The following BRINP3 variants were observed in gnomAD, a reference collection of about 807,000 sequenced individuals.
BRINP3 encodes BMP/retinoic acid inducible neural specific 3.
In BRINP3, 19 loss-of-function variants were observed where a neutral mutation model predicts 71.0. That is an observed-to-expected ratio of 0.27 (90% CI 0.19 to 0.39). The LOEUF (loss-of-function observed/expected upper bound fraction) is 0.39, where lower values mean the gene tolerates loss of function less well. Ranked by LOEUF, BRINP3 falls within the 10% of genes least tolerant of loss-of-function variation. The pLI, the probability that BRINP3 is intolerant of heterozygous loss-of-function variation, is 1.00. For missense variants in BRINP3, 959 were observed against 940.8 expected (o/e 1.02, Z -0.25); for synonymous variants, 380 against 337.7 (o/e 1.13, Z -1.37).
intron 3 of BRINP3, among the ~76,000 whole-genome samples, chr1:190,271,451 T>G (rs778150943): frequency 2.6e-5 from 4 of 151,624 alleles, no homozygotes; most frequent in African/African-American, 7.2e-5. Flanking sequence ...AATCTAGTAA[T>G]AATTCGAAAG....
At position 190,099,040 on chromosome 1, in the gene BRINP3, T is replaced by C. The variant is rs1219679713; in HGVS notation, c.1279A>G (p.Thr427Ala). Residue 427 changes from threonine (T) to alanine (A), a missense_variant, in exon 8 of 8, where the codon ACG (threonine) becomes GCG (alanine). Coordinates refer to ENST00000367462, the MANE Select transcript of BRINP3 (RefSeq NM_199051.3). ...GSFSEETHSC[T>A]CPNDQVVCTA... The stretch of plus-strand genomic sequence containing the variant: ...CAGACCACCTGGTCATTCGGACACG[T>C]GCACGAGTGCGTCTCTTCTGAAAAG... The C allele has an allele frequency of 1.9e-6, 3 of 1,614,196 alleles. No individual in the cohort carries two copies.
intron 2 of BRINP3, among the ~76,000 whole-genome samples, chr1:190,386,017 TG>T: frequency 7.1e-6 from 1 of 140,000 alleles, no homozygotes; most frequent in Non-Finnish European, 1.5e-5. Context: ...CACTTATAGG[TG>T]GGAATTGAAC....
Position 190,329,845 on chromosome 1 carries a change from G to T in BRINP3, c.237-48095C>A, listed in dbSNP as rs1230174928. Among the ~76,000 whole-genome samples, 3 of 151,680 alleles carry T rather than the reference G, an allele frequency of 2.0e-5. No individual in the cohort carries two copies. The East Asian group carries it at 5.8e-4, about 29-fold the overall frequency. The stretch of plus-strand genomic sequence containing the variant: ...ATCCAGAAATAAATCCACATACCTA[G>T]AGCCATCTGATCTTCAATGAACTCA... On this transcript the variant is annotated intron_variant, in intron 2 of 7. Transcript: ENST00000367462.
chr1:190,213,044 T>C (rs1296464665), intron 6 of BRINP3, among the ~76,000 whole-genome samples: 1 of 151,998 alleles, frequency 6.6e-6, no homozygotes, highest in Admixed American at 6.6e-5. Context: ...AGGTGTCAAG[T>C]ACCCTTTAGA....
Position 190,229,645 on chromosome 1 carries a change from A to AACACACACACACAC in BRINP3, c.725-3341_725-3328dup, listed in dbSNP as rs71794093. 7.1e-3 allele frequency among the ~76,000 whole-genome samples: 949 copies of AACACACACACACAC among 133,492 alleles called. 6 individuals carry two copies. The highest frequency in any genetic ancestry group is 0.017 in the East Asian group (75 of 4,342). 87.6% of individuals were successfully genotyped at this position (133,492 alleles called of 152,430 possible). A position where few individuals can be genotyped will look rare whatever the true frequency, so the allele number is the denominator to read the frequency against. ...CCCAGAGTAAAGAAAAACAAAACAA[A>AACACACACACACAC]ACACACACACACACACACACACACA... On this transcript the variant is annotated intron_variant, in intron 5 of 7. Coordinates refer to ENST00000367462, the MANE Select transcript of BRINP3 (RefSeq NM_199051.3).
At chr1:190,298,429 G>C (rs969398566) in intron 2 of BRINP3, among the ~76,000 whole-genome samples, 1 of 150,728 alleles carries the variant, frequency 6.6e-6, no homozygotes, top group African/African-American at 2.4e-5. Context: ...TTATTGGTTT[G>C]ATTTTTTTTT....
Position 190,155,994 on chromosome 1 carries a change from G to A in BRINP3, c.1184+4674C>T, listed in dbSNP as rs76883145. Among the ~76,000 whole-genome samples the A allele has an allele frequency of 1.3e-3, 192 of 152,190 alleles. 1 individual carries two copies. The East Asian group carries it at 0.033, about 26-fold the overall frequency. ...ATTGCTGTAATCACTATCTTGTGAT[G>A]AAATTAGTAAGCCATTGTTACATAG... On this transcript the variant is annotated intron_variant, in intron 7 of 7. Coordinates refer to ENST00000367462, the MANE Select transcript of BRINP3 (RefSeq NM_199051.3).
At chr1:190,099,656 A>G (rs1651521656) in intron 7 of BRINP3, among the ~76,000 whole-genome samples, 1 of 152,200 alleles carries the variant, frequency 6.6e-6, no homozygotes, top group Non-Finnish European at 1.5e-5. Context: ...TGAAAGAAAA[A>G]CAGCTCTAAA....
Position 190,145,865 on chromosome 1 carries a change from C to T in BRINP3, c.1184+14803G>A, listed in dbSNP as rs551321732. Among the ~76,000 whole-genome samples, 7 of 152,238 alleles carry T rather than the reference C, an allele frequency of 4.6e-5. No individual in the cohort carries two copies. The South Asian group carries it at 1.2e-3, about 27-fold the overall frequency. On this transcript the variant is annotated intron_variant, in intron 7 of 7. Transcript: ENST00000367462. ...TATACACACATACCATGGAATACTA[C>T]TCAACCATAAAAAGGAATAGAATAA...
intron 2 of BRINP3, among the ~76,000 whole-genome samples, chr1:190,321,400 T>A (rs1393830690): frequency 6.6e-6 from 1 of 152,040 alleles, no homozygotes; most frequent in Non-Finnish European, 1.5e-5. Flanking sequence ...AAACCATGCA[T>A]AAAAGAGGAA....
intron 4 of BRINP3, among the ~76,000 whole-genome samples, chr1:190,255,719 T>C (rs1660599792): frequency 6.6e-6 from 1 of 151,102 alleles, no homozygotes; most frequent in South Asian, 2.1e-4. Context: ...TGTCAGTCTT[T>C]TAAAAAAACC....
At position 190,238,520 on chromosome 1, in the gene BRINP3, A is replaced by G. The variant is rs182085905; in HGVS notation, c.619-4043T>C. 4.5e-3 allele frequency among the ~76,000 whole-genome samples: 683 copies of G among 152,232 alleles called. 7 individuals are homozygous for G. The highest frequency in any genetic ancestry group is 4.2e-3 in the Non-Finnish European group (284 of 68,010). ...TGACAAAAAAGATATATAAACATCC[A>G]GTAATTTTGAAATAGTTTTCAACTT... On this transcript the variant is annotated intron_variant, in intron 4 of 7. Coordinates refer to ENST00000367462, the MANE Select transcript of BRINP3 (RefSeq NM_199051.3).
chr1:190,304,992 G>T (rs1571693888), intron 2 of BRINP3, among the ~76,000 whole-genome samples: 1 of 151,898 alleles, frequency 6.6e-6, no homozygotes, highest in African/African-American at 2.4e-5. Flanking sequence ...CATACAAATG[G>T]CCAATAGGCA....
intron 2 of BRINP3, among the ~76,000 whole-genome samples, chr1:190,347,708 C>A (rs995021557): frequency 1.3e-4 from 19 of 151,996 alleles, no homozygotes; most frequent in African/African-American, 4.6e-4. Context: ...AATTTTTATT[C>A]TTATTTTTTT....
chr1:190,249,724 A>C (rs1659955857), intron 4 of BRINP3, among the ~76,000 whole-genome samples: 1 of 151,860 alleles, frequency 6.6e-6, no homozygotes, highest in Non-Finnish European at 1.5e-5. Flanking sequence ...GCCATTTTTG[A>C]GTTACGTGAA....
intron 7 of BRINP3, among the ~76,000 whole-genome samples, chr1:190,148,033 T>A (rs1656045319): frequency 6.6e-6 from 1 of 152,162 alleles, no homozygotes; most frequent in Non-Finnish European, 1.5e-5. Flanking sequence ...TTAAAATACG[T>A]CAAATATTTA....
chr1:190,164,400 A>G (rs1466307906), intron 6 of BRINP3, among the ~76,000 whole-genome samples: 1 of 152,130 alleles, frequency 6.6e-6, no homozygotes, highest in Non-Finnish European at 1.5e-5. Context: ...TGTCATTGGT[A>G]AGCAGGACTA....
At chr1:190,208,809 T>C (rs1655739737) in intron 6 of BRINP3, among the ~76,000 whole-genome samples, 1 of 152,110 alleles carries the variant, frequency 6.6e-6, no homozygotes, top group Non-Finnish European at 1.5e-5. Context: ...CCACCTACTT[T>C]TGTATGAGCT....
intron 2 of BRINP3, among the ~76,000 whole-genome samples, chr1:190,411,881 G>A (rs1322789710): frequency 6.6e-6 from 1 of 152,158 alleles, no homozygotes; most frequent in East Asian, 1.9e-4. Context: ...TGTAGGAACA[G>A]CAAGTCAATT....
Sources: allele counts gnomAD v4.1 joint callset (sites outside exome capture counted in the v4.1 genomes callset), GRCh38; gene constraint gnomAD v4.1.1; transcripts MANE v1.5; gene names NCBI Gene and HGNC (gene_info 2026-07-23, HGNC 2026-07-21).